CD226: variants seen among roughly 807,000 people sequenced by gnomAD.
CD226 encodes CD226 antigen.
A neutral mutation model predicts 34.9 loss-of-function variants in CD226; 24 were observed. That is an observed-to-expected ratio of 0.69 (90% confidence interval 0.50 to 0.97). The LOEUF (loss-of-function observed/expected upper bound fraction) is 0.97. CD226 is among the 50% of genes least tolerant of loss of function. The probability of loss-of-function intolerance (pLI) is 0.00; values close to 1 mark genes in which losing one functional copy is unlikely to be tolerated. For missense variants in CD226, 397 were observed against 412.7 expected (o/e 0.96, Z 0.33); for synonymous variants, 148 against 147.4 (o/e 1.00, Z -0.03).
At chr18:69,904,721 T>A (rs1284489982) in intron 2 of CD226, among the ~76,000 whole-genome samples, 2 of 152,194 alleles carry the variant, frequency 1.3e-5, no homozygotes, top group African/African-American at 4.8e-5. Flanking sequence ...GAATTTTAAA[T>A]ATAGGTAGTA....
chr18:69,887,501 C>T (rs948367554), intron 3 of CD226, among the ~76,000 whole-genome samples: 51 of 152,276 alleles, frequency 3.3e-4, no homozygotes, highest in Middle Eastern at 3.4e-3. Context: ...ACAGAAAATA[C>T]CCCACCCTTT....
intron 5 of CD226, 145 bp downstream of exon 5, chr18:69,867,212 C>T (rs1024587562): frequency 8.1e-6 from 5 of 619,642 alleles, no homozygotes; most frequent in African/African-American, 7.3e-5. Context: ...TAACTTTCTC[C>T]AAATAGCTGA....
At chr18:69,879,389 C>G (rs907624195) in intron 3 of CD226, among the ~76,000 whole-genome samples, 2 of 152,130 alleles carry the variant, frequency 1.3e-5, no homozygotes, top group Non-Finnish European at 2.9e-5. Context: ...CTCCTCCCCC[C>G]AGGAAAGCAT....
intron 4 of CD226, among the ~76,000 whole-genome samples, chr18:69,870,543 G>A (rs1983459209): frequency 6.6e-6 from 1 of 152,110 alleles, no homozygotes; most frequent in African/African-American, 2.4e-5. Flanking sequence ...CCAAAGTGCT[G>A]GGATTACAGG....
chr18:69,920,787 G>C (rs2055441930), intron 2 of CD226, among the ~76,000 whole-genome samples: 1 of 152,310 alleles, frequency 6.6e-6, no homozygotes, highest in East Asian at 1.9e-4. Context: ...AGCGAAGACA[G>C]AGTCAGTATT....
intron 2 of CD226, among the ~76,000 whole-genome samples, chr18:69,927,388 A>AC (rs58812997): frequency 4.1e-4 from 62 of 151,086 alleles, no homozygotes; most frequent in Middle Eastern, 6.8e-3. Flanking sequence ...ACACACACAC[A>AC]AACACACACA....
intron 3 of CD226, among the ~76,000 whole-genome samples, chr18:69,877,891 G>A (rs922344303): frequency 6.6e-6 from 1 of 152,150 alleles, no homozygotes; most frequent in African/African-American, 2.4e-5. Context: ...TCAATCCAGA[G>A]ACATTTCAAT....
At chr18:69,885,410 G>A (rs1253141060) in intron 3 of CD226, among the ~76,000 whole-genome samples, 2 of 152,266 alleles carry the variant, frequency 1.3e-5, no homozygotes, top group African/African-American at 4.8e-5. Context: ...AAGCCATTAC[G>A]GTCTGGGCAC....
intron 2 of CD226, among the ~76,000 whole-genome samples, chr18:69,931,812 A>G (rs1254721293): frequency 6.6e-6 from 1 of 152,202 alleles, no homozygotes; most frequent in Non-Finnish European, 1.5e-5. Context: ...ATTCTTTTTC[A>G]TCGCTTGTCT....
At position 69,947,634 on chromosome 18, in the gene CD226, G is replaced by A. The variant is rs572824088; in HGVS notation, c.-228C>T. 1.3e-5 allele frequency: 5 copies of A among 376,906 alleles called. No individual in the cohort carries two copies. The highest frequency in any genetic ancestry group is 9.0e-5 in the South Asian group (1 of 11,050). 23.3% of individuals were successfully genotyped at this position (376,906 alleles called of 1,614,324 possible). A position where few individuals can be genotyped will look rare whatever the true frequency, so the allele number is the denominator to read the frequency against. ...TTTCTTCTCTCTCGGGGAACCAGTC[G>A]GCTTATTTTCGGGCTTTCATTTTCT... On this transcript the variant is annotated 5_prime_UTR_variant, in exon 1 of 6. Coordinates refer to ENST00000582621, the MANE Select transcript of CD226 (RefSeq NM_001303618.2).
intron 3 of CD226, among the ~76,000 whole-genome samples, chr18:69,879,388 C>A (rs573539681): frequency 6.6e-6 from 1 of 152,104 alleles, no homozygotes; most frequent in African/African-American, 2.4e-5. Flanking sequence ...TCTCCTCCCC[C>A]CAGGAAAGCA....
At chr18:69,901,977 A>C (rs2055192503) in intron 2 of CD226, among the ~76,000 whole-genome samples, 1 of 152,174 alleles carries the variant, frequency 6.6e-6, no homozygotes, top group South Asian at 2.1e-4. Flanking sequence ...TCACACACCC[A>C]ATCTCTAATC....
At position 69,867,438 on chromosome 18, in the gene CD226, T is replaced by A. The variant is rs779705488; in HGVS notation, c.831-27A>T. On this transcript the variant is annotated intron_variant, in intron 4 of 5. Coordinates refer to ENST00000582621, the MANE Select transcript of CD226 (RefSeq NM_001303618.2). Reference sequence around the variant, plus strand: ...TGGAATGCATATTCAATAAAGGATATAAAGATATGATATTCCAGTACTAAT... The same window carrying A: ...TGGAATGCATATTCAATAAAGGATAAAAAGATATGATATTCCAGTACTAAT... 2.9e-6 allele frequency: 4 copies of A among 1,393,466 alleles called. No individual in the cohort carries two copies. The South Asian group carries it at 3.5e-5, about 12-fold the overall frequency. 86.3% of individuals were successfully genotyped at this position (1,393,466 alleles called of 1,614,324 possible).
At position 69,853,930 on chromosome 18, in the gene CD226, G is replaced by A. The variant is rs999859727; in HGVS notation, c.*10384C>T. On this transcript the variant is annotated 3_prime_UTR_variant, in exon 6 of 6. Transcript: ENST00000582621. ...ATTTTGGATCATGATTTATAAAGAT[G>A]AGCCAAAGAGCAGCCTAGACGAGAG... 2.6e-5 allele frequency: 4 copies of A among 152,096 alleles called. No homozygotes were observed. Among genetic ancestry groups the A allele is most frequent in the Non-Finnish European group, 5.9e-5 (4 of 68,028 alleles). The allele number at this position is 152,096 out of a possible 1,614,324, so 9.4% of individuals were successfully genotyped here. A position where few individuals can be genotyped will look rare whatever the true frequency, so the allele number is the denominator to read the frequency against.
At position 69,895,809 on chromosome 18, in the gene CD226, T is replaced by A. The variant is rs1985242945; in HGVS notation, c.619A>T (p.Ile207Phe). Residue 207 changes from isoleucine to phenylalanine, a missense_variant, in exon 3 of 6, where the codon ATC (isoleucine) becomes TTC (phenylalanine). Ile to Phe is a conservative substitution (Grantham distance 21, BLOSUM62 0). Coordinates refer to ENST00000582621, the MANE Select transcript of CD226 (RefSeq NM_001303618.2). Reference sequence around the variant, plus strand: ...GAGACTGTGACATCGGGGATGACGATGACGCTCCACCTTCCGTGGCTGCAG... The same window carrying A: ...GAGACTGTGACATCGGGGATGACGAAGACGCTCCACCTTCCGTGGCTGCAG... ...SNCSHGRWSV[I>F]VIPDVTVSDS... 1.9e-6 allele frequency: 3 copies of A among 1,614,064 alleles called. No individual in the cohort carries two copies. The highest frequency in any genetic ancestry group is 2.5e-6 in the Non-Finnish European group (3 of 1,180,034).
intron 3 of CD226, among the ~76,000 whole-genome samples, chr18:69,887,855 C>CA (rs1334524156): frequency 1.3e-5 from 2 of 152,042 alleles, no homozygotes; most frequent in Admixed American, 6.5e-5. Context: ...AAAGTTGCAC[C>CA]AAAAAAACTT....
At chr18:69,873,821 G>A (rs1027632106) in intron 3 of CD226, among the ~76,000 whole-genome samples, 5 of 152,004 alleles carry the variant, frequency 3.3e-5, no homozygotes, top group East Asian at 1.9e-4. Context: ...CAGTGAGCCC[G>A]GATCTTGCCA....
In CD226 at chr18:69,854,456, T is replaced by C. The variant is rs1306697991; in HGVS notation, c.*9858A>G. On this transcript the variant is annotated 3_prime_UTR_variant, in exon 6 of 6. Transcript: ENST00000582621. Reference sequence around the variant, plus strand: ...GCTTTTCCAGTAGGAAACTCCAAGGTTCTCATTATGAGGATCCAAGAAAAA... The same window carrying C: ...GCTTTTCCAGTAGGAAACTCCAAGGCTCTCATTATGAGGATCCAAGAAAAA... 1.3e-5 allele frequency: 2 copies of C among 152,240 alleles called. No homozygotes were observed. Among genetic ancestry groups the C allele is most frequent in the Non-Finnish European group, 2.9e-5 (2 of 68,064 alleles). 9.4% of individuals were successfully genotyped at this position (152,240 alleles called of 1,614,324 possible). A position where few individuals can be genotyped will look rare whatever the true frequency, so the allele number is the denominator to read the frequency against.
At chr18:69,872,582 CA>C (rs1160219265) in intron 4 of CD226, among the ~76,000 whole-genome samples, 2 of 152,058 alleles carry the variant, frequency 1.3e-5, no homozygotes, top group African/African-American at 2.4e-5. Flanking sequence ...TAGTATAGGC[CA>C]AATGGCTCCC....
Sources: gnomAD v4.1 joint callset for allele counts (sites outside exome capture counted in the v4.1 genomes callset) on GRCh38, gnomAD v4.1.1 for gene constraint, MANE v1.5 for transcripts, NCBI Gene and HGNC (gene_info 2026-07-23, HGNC 2026-07-21) for gene names.